The following PCDHA3 variants were observed in gnomAD, a reference collection of about 807,000 sequenced individuals.
PCDHA3 encodes protocadherin alpha 3, also known as protocadherin alpha-3.
Under a neutral mutation model 62.2 loss-of-function variants are expected in PCDHA3, and 41 were observed. That is an observed-to-expected ratio of 0.66 (90% CI 0.51 to 0.86). The LOEUF is 0.86. PCDHA3 is among the 40% of genes least tolerant of loss of function. The pLI, the probability that PCDHA3 is intolerant of heterozygous loss-of-function variation, is 0.00. For missense variants in PCDHA3, 1,304 were observed against 1,241.2 expected (o/e 1.05, Z -0.76); for synonymous variants, 640 against 555.4 (o/e 1.15, Z -2.14).
At chr5:140,903,824 T>A (rs1439298617) in intron 1 of PCDHA3, among the ~76,000 whole-genome samples, 3 of 152,202 alleles carry the variant, frequency 2.0e-5, no homozygotes, top group Admixed American at 2.0e-4. Context: ...CACATGAATG[T>A]CTGTTGGTAT....
At chr5:140,875,228 T>C in intron 1 of PCDHA3, 5 of 832,094 alleles carry the variant, frequency 6.0e-6, no homozygotes, top group Non-Finnish European at 8.6e-6. Flanking sequence ...CTCAGGATCT[T>C]TCTTGTACTT....
chr5:141,008,985 A>C (rs566679512), intron 3 of PCDHA3, among the ~76,000 whole-genome samples: 1 of 152,240 alleles, frequency 6.6e-6, no homozygotes, highest in Non-Finnish European at 1.5e-5. Context: ...AGTTTAATCT[A>C]GACACTAAAA....
At chr5:140,824,019 G>C in intron 1 of PCDHA3, 1 of 1,614,082 alleles carries the variant, frequency 6.2e-7, no homozygotes, top group Non-Finnish European at 8.5e-7. Flanking sequence ...GGAGCTGGTC[G>C]TACTCGCAGC....
Position 140,886,416 on chromosome 5 carries a change from A to T in PCDHA3, c.2394+82825A>T, listed in dbSNP as rs184712902. Among the ~76,000 whole-genome samples, 13 of 152,286 alleles carry T rather than the reference A, an allele frequency of 8.5e-5. No homozygotes were observed. The East Asian group carries it at 2.5e-3, about 29-fold the overall frequency. ...TGCATCACAAATATGTTTTCCTCCT[A>T]TATTATTTCTATTCATTTGTTTGTA... is the stretch of plus-strand genomic sequence containing the variant. On this transcript the variant is annotated intron_variant, in intron 1 of 3. Transcript: ENST00000522353.
chr5:140,876,055 G>A (rs782670279), intron 1 of PCDHA3: 2 of 1,613,934 alleles, frequency 1.2e-6, no homozygotes, highest in Non-Finnish European at 1.7e-6. Context: ...GCCTGAATTA[G>A]TTCTTCGGAA....
chr5:140,928,875 T>C (rs781860300), intron 1 of PCDHA3: 1 of 1,614,184 alleles, frequency 6.2e-7, no homozygotes, highest in Non-Finnish European at 8.5e-7. Context: ...ACTCTGTCCC[T>C]CAGTTACTTC....
At chr5:140,821,012 A>G (rs2150059416) in intron 1 of PCDHA3, among the ~76,000 whole-genome samples, 1 of 152,226 alleles carries the variant, frequency 6.6e-6, no homozygotes, top group East Asian at 1.9e-4. Context: ...GTTTTCATCG[A>G]TTTGAAAATT....
chr5:140,905,722 T>A (rs1326323051), intron 1 of PCDHA3, among the ~76,000 whole-genome samples: 1 of 152,206 alleles, frequency 6.6e-6, no homozygotes, highest in Non-Finnish European at 1.5e-5. Context: ...AGCAGTGTTT[T>A]GTAGTTTTCC....
chr5:140,866,893 A>G (rs961620387), intron 1 of PCDHA3: 1 of 152,138 alleles, frequency 6.6e-6, no homozygotes, highest in Admixed American at 6.5e-5. Context: ...ATACCCAGAT[A>G]TTAGGCTGAT....
chr5:140,846,341 G>GCTTTCTCT lies in PCDHA3; in HGVS notation c.2394+42751_2394+42758dup, dbSNP rs1176165668. On this transcript the variant is annotated intron_variant, in intron 1 of 3. Coordinates refer to ENST00000522353, the MANE Select transcript of PCDHA3 (RefSeq NM_018906.3). ...AGTGTTGTAAATAGCCTTTTAAAGTGCTTTCTCTTTTTTCTTTTCTTTTCT... is the reference window on the plus strand; with the variant it reads ...AGTGTTGTAAATAGCCTTTTAAAGTGCTTTCTCTCTTTCTCTTTTTTCTTTTCTTTTCT... Among the ~76,000 whole-genome samples, 20 of 144,650 alleles carry GCTTTCTCT rather than the reference G, an allele frequency of 1.4e-4. 2 individuals carry two copies. Among genetic ancestry groups the GCTTTCTCT allele is most frequent in the Non-Finnish European group, 1.5e-5 (1 of 64,996 alleles). 94.9% of individuals were successfully genotyped at this position (144,650 alleles called of 152,430 possible). A position where few individuals can be genotyped will look rare whatever the true frequency, so the allele number is the denominator to read the frequency against.
intron 1 of PCDHA3, chr5:140,853,775 G>GT: frequency 1.0e-6 from 1 of 987,698 alleles, no homozygotes; most frequent in East Asian, 1.1e-4. Context: ...TCTGAAATGG[G>GT]TAGTAAGAGC....
At chr5:140,893,456 C>G (rs781790396) in intron 1 of PCDHA3, among the ~76,000 whole-genome samples, 44 of 151,918 alleles carry the variant, frequency 2.9e-4, no homozygotes, top group Non-Finnish European at 2.6e-4. Flanking sequence ...AGTTCAAGAC[C>G]AGCCTGGGCA....
intron 1 of PCDHA3, chr5:140,968,123 C>T (rs782499744): frequency 1.1e-5 from 17 of 1,614,058 alleles, no homozygotes; most frequent in Admixed American, 3.3e-5. Context: ...CACATCCCTG[C>T]GTACACTGAA....
At chr5:140,985,999 A>G (rs932659753) in intron 3 of PCDHA3, among the ~76,000 whole-genome samples, 10 of 152,104 alleles carry the variant, frequency 6.6e-5, no homozygotes, top group Non-Finnish European at 1.5e-4. Flanking sequence ...TCAGCCTCCC[A>G]AAGTGCTGGG....
intron 1 of PCDHA3, among the ~76,000 whole-genome samples, chr5:140,949,848 C>T (rs534650997): frequency 2.2e-4 from 34 of 151,738 alleles, no homozygotes; most frequent in African/African-American, 6.0e-4. Flanking sequence ...CTTCTGTTTC[C>T]GCTTATCTGT....
At chr5:140,819,788 G>A (rs1554127750) in intron 1 of PCDHA3, among the ~76,000 whole-genome samples, 1 of 151,984 alleles carries the variant, frequency 6.6e-6, no homozygotes. Context: ...AAGTACATGA[G>A]ATATTTTTTC....
At chr5:140,854,823 T>C (rs1007254376) in intron 1 of PCDHA3, among the ~76,000 whole-genome samples, 1 of 149,812 alleles carries the variant, frequency 6.7e-6, no homozygotes, top group Non-Finnish European at 1.5e-5. Flanking sequence ...CAAGTGGTGA[T>C]GAAAAACTTC....
rs1554181708 is a variant in PCDHA3, at chr5:140,884,544, G to C, written c.2394+80953G>C. 1.9e-6 allele frequency: 3 copies of C among 1,614,222 alleles called. No individual in the cohort carries two copies. In the Admixed American group the frequency reaches 5.0e-5, roughly 27 times the overall value. On this transcript the variant is annotated intron_variant, in intron 1 of 3. Coordinates refer to ENST00000522353, the MANE Select transcript of PCDHA3 (RefSeq NM_018906.3). Reference sequence around the variant, plus strand: ...TCGCAGCAGAGGCGGCCGAGGGTGTGCTCTGGGGAGGGCCCGCATAAGACG... The same window carrying C: ...TCGCAGCAGAGGCGGCCGAGGGTGTCCTCTGGGGAGGGCCCGCATAAGACG...
At chr5:140,823,596 G>C in intron 1 of PCDHA3, 1 of 1,614,020 alleles carries the variant, frequency 6.2e-7, no homozygotes, top group Non-Finnish European at 8.5e-7. Context: ...CTTGGCTTTC[G>C]TATGAGCTGC....
Sources: gnomAD v4.1 joint callset for allele counts (sites outside exome capture counted in the v4.1 genomes callset) on GRCh38, gnomAD v4.1.1 for gene constraint, MANE v1.5 for transcripts, NCBI Gene and HGNC (gene_info 2026-07-23, HGNC 2026-07-21) for gene names.